The following FAR2 variants were observed in gnomAD, a reference collection of about 807,000 sequenced individuals.
FAR2 encodes the protein fatty acyl-CoA reductase 2, also known as epididymis secretory protein Li 81.
A neutral mutation model predicts 56.0 loss-of-function variants in FAR2; 19 were observed. That is an observed-to-expected ratio of 0.34 (90% CI 0.24 to 0.50). The LOEUF is 0.50. Among genes scored for constraint, FAR2 ranks in the 20% least tolerant of loss-of-function variants. The pLI, the probability that FAR2 is intolerant of heterozygous loss-of-function variation, is 0.98. For synonymous variants in FAR2, 219 were observed against 218.8 expected (o/e 1.00, Z -0.01); for missense variants, 508 against 642.2 (o/e 0.79, Z 2.26).
chr12:29,271,558 T>C (rs1948619022), intron 2 of FAR2, among the ~76,000 whole-genome samples: 1 of 152,244 alleles, frequency 6.6e-6, no homozygotes, highest in African/African-American at 2.4e-5. Context: ...TGTAGGAATG[T>C]TAACATCTAT....
At chr12:29,216,311 T>C (rs1010199292) in intron 1 of FAR2, among the ~76,000 whole-genome samples, 1 of 152,234 alleles carries the variant, frequency 6.6e-6, no homozygotes, top group African/African-American at 2.4e-5. Context: ...CACTGGTATC[T>C]TCAATGATAC....
At chr12:29,222,700 T>C (rs1246256829) in intron 1 of FAR2, among the ~76,000 whole-genome samples, 2 of 152,184 alleles carry the variant, frequency 1.3e-5, no homozygotes, top group Non-Finnish European at 2.9e-5. Flanking sequence ...AGGAGGTCAA[T>C]GTCAAGGCTT....
intron 1 of FAR2, among the ~76,000 whole-genome samples, chr12:29,229,284 T>C (rs1226109690): frequency 6.6e-6 from 1 of 152,220 alleles, no homozygotes; most frequent in Non-Finnish European, 1.5e-5. Flanking sequence ...GCCTGAGGCT[T>C]GGAAGTCTGA....
chr12:29,204,630 A>G lies in FAR2; in HGVS notation c.-39+55223A>G, dbSNP rs79857751. Among the ~76,000 whole-genome samples, 756 of 152,272 alleles carry G rather than the reference A, an allele frequency of 5.0e-3. 12 individuals carry two copies. The highest frequency in any genetic ancestry group is 0.017 in the African/African-American group (708 of 41,546). On this transcript the variant is annotated intron_variant, in intron 1 of 11. Transcript: ENST00000536681. ...ATACGAGAGACTGGGTAATTTACACAGGAAATAGGTTTGATTGGCTCACGG... is the reference window on the plus strand; with the variant it reads ...ATACGAGAGACTGGGTAATTTACACGGGAAATAGGTTTGATTGGCTCACGG...
chr12:29,150,459 GA>G (rs943017497), intron 1 of FAR2, among the ~76,000 whole-genome samples: 4 of 152,166 alleles, frequency 2.6e-5, no homozygotes, highest in African/African-American at 9.7e-5. Flanking sequence ...TAGGTTGAGA[GA>G]AATTTGACAC....
chr12:29,228,976 A>G (rs1267642255), intron 1 of FAR2, among the ~76,000 whole-genome samples: 1 of 152,064 alleles, frequency 6.6e-6, no homozygotes, highest in African/African-American at 2.4e-5. Flanking sequence ...ACGTGCAGAA[A>G]CCCAGCAATG....
At chr12:29,304,110 G>A (rs979627681) in intron 4 of FAR2, among the ~76,000 whole-genome samples, 4 of 152,164 alleles carry the variant, frequency 2.6e-5, no homozygotes, top group African/African-American at 9.7e-5. Context: ...ATTGCCACTG[G>A]ACACTTTACT....
chr12:29,263,708 T>C (rs28559992), intron 1 of FAR2, among the ~76,000 whole-genome samples: 8,065 of 120,954 alleles, frequency 0.067, 516 homozygotes, highest in African/African-American at 0.19. Flanking sequence ...AAGAATAAAT[T>C]TCTCTCAGTC....
At chr12:29,176,669 A>C (rs1325678006) in intron 1 of FAR2, among the ~76,000 whole-genome samples, 1 of 152,258 alleles carries the variant, frequency 6.6e-6, no homozygotes, top group Non-Finnish European at 1.5e-5. Flanking sequence ...CAGGCTGAGG[A>C]AATGATGCTA....
chr12:29,302,611 T>A (rs574595217), intron 4 of FAR2, among the ~76,000 whole-genome samples: 1 of 152,324 alleles, frequency 6.6e-6, no homozygotes, highest in South Asian at 2.1e-4. Flanking sequence ...AGAGGAATTG[T>A]ATTTAATTCT....
intron 1 of FAR2, among the ~76,000 whole-genome samples, chr12:29,150,472 G>A (rs1405363795): frequency 6.6e-6 from 1 of 152,122 alleles, no homozygotes; most frequent in Non-Finnish European, 1.5e-5. Flanking sequence ...ATTTGACACT[G>A]GGCAAATGGA....
chr12:29,192,775 G>GTC (rs1950113213), intron 1 of FAR2, among the ~76,000 whole-genome samples: 1 of 152,212 alleles, frequency 6.6e-6, no homozygotes, highest in African/African-American at 2.4e-5. Flanking sequence ...TGTAAGGGAT[G>GTC]AGGTCGATTA....
chr12:29,191,024 T>G (rs1170279839), intron 1 of FAR2, among the ~76,000 whole-genome samples: 2 of 152,160 alleles, frequency 1.3e-5, no homozygotes, highest in African/African-American at 4.8e-5. Flanking sequence ...CTGTCCTCAT[T>G]TCCCTCCCTG....
chr12:29,321,792 C>G lies in FAR2; in HGVS notation c.1128-3C>G. On this transcript the variant is annotated splice_polypyrimidine_tract_variant and splice_region_variant and intron_variant, in intron 9 of 11. Coordinates refer to ENST00000536681, the MANE Select transcript of FAR2 (RefSeq NM_001271783.2). The stretch of plus-strand genomic sequence containing the variant: ...ATTTACTCCTATCTGATGGTTATCT[C>G]AGGATGACAAAGCTCATGAATCGGC... 1 of 1,612,696 alleles carries G rather than the reference C, an allele frequency of 6.2e-7. No homozygotes were observed. Among genetic ancestry groups the G allele is most frequent in the Non-Finnish European group, 8.5e-7 (1 of 1,179,090 alleles).
intron 6 of FAR2, among the ~76,000 whole-genome samples, 183 bp downstream of exon 6, chr12:29,309,413 T>C (rs1046986087): frequency 7.9e-5 from 12 of 152,298 alleles, no homozygotes; most frequent in African/African-American, 2.9e-4. Context: ...TCTTTGAGAA[T>C]TTTTTATCAG....
At chr12:29,273,417 C>T (rs1230499851) in intron 2 of FAR2, among the ~76,000 whole-genome samples, 1 of 152,170 alleles carries the variant, frequency 6.6e-6, no homozygotes, top group Non-Finnish European at 1.5e-5. Flanking sequence ...AAGAGGCACT[C>T]TGGCCGCAGA....
chr12:29,298,256 T>C (rs1193577864), intron 4 of FAR2, among the ~76,000 whole-genome samples: 2 of 150,952 alleles, frequency 1.3e-5, no homozygotes, highest in Non-Finnish European at 2.9e-5. Context: ...TGTTTTCTGC[T>C]TCTTTATTCT....
intron 1 of FAR2, among the ~76,000 whole-genome samples, chr12:29,189,257 C>G (rs1271976919): frequency 6.6e-6 from 1 of 152,198 alleles, no homozygotes; most frequent in Non-Finnish European, 1.5e-5. Flanking sequence ...TCAGTACAAA[C>G]TCATGGATAA....
chr12:29,314,384 T>G (rs916293557), intron 8 of FAR2, among the ~76,000 whole-genome samples: 93 of 152,092 alleles, frequency 6.1e-4, no homozygotes, highest in African/African-American at 2.1e-3. Flanking sequence ...CTCCACTACT[T>G]ACTAGTTGTA....
Sources: allele counts gnomAD v4.1 joint callset (sites outside exome capture counted in the v4.1 genomes callset), GRCh38; gene constraint gnomAD v4.1.1; transcripts MANE v1.5; gene names NCBI Gene and HGNC (gene_info 2026-07-23, HGNC 2026-07-21).